RIMS2: variants seen among roughly 807,000 people sequenced by gnomAD.
RIMS2 encodes regulating synaptic membrane exocytosis 2.
A neutral mutation model predicts 174.4 loss-of-function variants in RIMS2; 59 were observed. The observed-to-expected ratio is 0.34, with a 90% CI of 0.27 to 0.42. The LOEUF is 0.42. Ranked by LOEUF, RIMS2 falls within the 10% of genes least tolerant of loss-of-function variation. RIMS2 has a pLI of 1.00. For missense variants in RIMS2, 1,620 were observed against 1,666.3 expected, an observed-to-expected ratio of 0.97 and a Z score of 0.48; for synonymous variants, 606 against 572.5, an observed-to-expected ratio of 1.06 and a Z score of -0.84.
intron 1 of RIMS2, among the ~76,000 whole-genome samples, chr8:103,563,782 A>G (rs550613148): frequency 6.6e-6 from 1 of 152,330 alleles, no homozygotes; most frequent in South Asian, 2.1e-4. Flanking sequence ...ATGGACTTAC[A>G]GTTCCACGTG....
intron 1 of RIMS2, among the ~76,000 whole-genome samples, chr8:103,627,318 T>C (rs928424028): frequency 1.3e-5 from 2 of 152,228 alleles, no homozygotes; most frequent in South Asian, 4.1e-4. Context: ...CCTTGTTCCC[T>C]GAAAATCACT....
chr8:103,875,348 T>C (rs1204083302), intron 3 of RIMS2, among the ~76,000 whole-genome samples: 1 of 151,996 alleles, frequency 6.6e-6, no homozygotes, highest in Non-Finnish European at 1.5e-5. Context: ...CACTTATGAG[T>C]AAGAACATAC....
At chr8:103,737,169 T>C in intron 2 of RIMS2, among the ~76,000 whole-genome samples, 1 of 141,216 alleles carries the variant, frequency 7.1e-6, no homozygotes, top group Non-Finnish European at 1.5e-5. Flanking sequence ...TTTCTTTTTC[T>C]TTGTTCTTTT....
exon 12 of RIMS2, chr8:103,931,385 A>G: frequency 6.3e-7 from 1 of 1,591,974 alleles, no homozygotes; most frequent in Non-Finnish European, 8.5e-7. Flanking sequence ...ACTTTCTTCC[A>G]GACAGAAGGT....
intron 19 of RIMS2, among the ~76,000 whole-genome samples, chr8:104,161,339 C>T (rs1172323206): frequency 6.6e-6 from 1 of 151,970 alleles, no homozygotes; most frequent in Non-Finnish European, 1.5e-5. Flanking sequence ...AAATATTAGA[C>T]TCAGAAATAT....
chr8:103,786,892 A>T (rs200543531), intron 3 of RIMS2, among the ~76,000 whole-genome samples: 1 of 151,612 alleles, frequency 6.6e-6, no homozygotes, highest in Non-Finnish European at 1.5e-5. Context: ...CCCATTATTA[A>T]TGTGTGGGAG....
intron 2 of RIMS2, among the ~76,000 whole-genome samples, chr8:103,757,703 G>A (rs2098043148): frequency 6.6e-6 from 1 of 152,134 alleles, no homozygotes; most frequent in Admixed American, 6.5e-5. Flanking sequence ...CTTGAGATAG[G>A]GAGATTATGC....
intron 1 of RIMS2, among the ~76,000 whole-genome samples, chr8:103,522,632 A>G (rs1030064846): frequency 3.3e-5 from 5 of 152,118 alleles, no homozygotes; most frequent in Non-Finnish European, 5.9e-5. Flanking sequence ...TCCTTTGGGT[A>G]TCTGATGGTT....
chr8:103,538,404 A>G (rs1391342976), intron 1 of RIMS2, among the ~76,000 whole-genome samples: 6 of 151,754 alleles, frequency 4.0e-5, no homozygotes. Flanking sequence ...TTTCCTGGAG[A>G]TTTGTGAGAA....
chr8:103,532,669 C>A (rs987648139), intron 1 of RIMS2, among the ~76,000 whole-genome samples: 3 of 152,202 alleles, frequency 2.0e-5, no homozygotes, highest in Non-Finnish European at 4.4e-5. Flanking sequence ...CTATATGTGG[C>A]ACACTTGTGA....
At chr8:104,249,444 A>G in intron 21 of RIMS2, 43 bp from the exon 28 acceptor site, 1 of 1,033,148 alleles carries the variant, frequency 9.7e-7, no homozygotes, top group Non-Finnish European at 1.5e-6. Context: ...TCCTTAGTGC[A>G]TTTGTATATT....
At chr8:103,808,155 CA>C (rs1345702843) in intron 3 of RIMS2, among the ~76,000 whole-genome samples, 1 of 152,108 alleles carries the variant, frequency 6.6e-6, no homozygotes, top group Admixed American at 6.6e-5. Context: ...CACAGGAAAA[CA>C]AGCAGCAATT....
chr8:104,173,754 G>A (rs963987568), intron 19 of RIMS2, among the ~76,000 whole-genome samples: 68 of 145,424 alleles, frequency 4.7e-4, no homozygotes, highest in African/African-American at 1.5e-3. Flanking sequence ...TCAGCCTCCC[G>A]AGTAGCTGGG....
chr8:103,577,787 G>C (rs912739175), intron 1 of RIMS2, among the ~76,000 whole-genome samples: 3 of 152,232 alleles, frequency 2.0e-5, no homozygotes, highest in African/African-American at 7.2e-5. Flanking sequence ...CAGAAACCTT[G>C]GACCTGAGAA....
chr8:103,913,138 A>ATTT (rs535649216), intron 6 of RIMS2, among the ~76,000 whole-genome samples: 4 of 131,372 alleles, frequency 3.0e-5, no homozygotes, highest in African/African-American at 1.2e-4. Flanking sequence ...ATACCCAGCT[A>ATTT]TTTTTTTTTT....
At chr8:104,095,037 G>T (rs1290371560) in intron 19 of RIMS2, among the ~76,000 whole-genome samples, 2 of 151,974 alleles carry the variant, frequency 1.3e-5, no homozygotes, top group Admixed American at 6.6e-5. Flanking sequence ...TTCTTTATCT[G>T]TAAGGTCTAA....
At chr8:103,574,950 A>C (rs2093104761) in intron 1 of RIMS2, among the ~76,000 whole-genome samples, 1 of 152,328 alleles carries the variant, frequency 6.6e-6, no homozygotes, top group South Asian at 2.1e-4. Flanking sequence ...TAGCAATCAC[A>C]ATATCAGCAT....
At chr8:103,991,771 A>G (rs1452899938) in intron 17 of RIMS2, among the ~76,000 whole-genome samples, 1 of 152,094 alleles carries the variant, frequency 6.6e-6, no homozygotes, top group Admixed American at 6.5e-5. Context: ...TTTGAAACCA[A>G]ATGGCCTTGA....
At chr8:104,136,407 C>CA (rs2098520135) in intron 19 of RIMS2, among the ~76,000 whole-genome samples, 1 of 152,076 alleles carries the variant, frequency 6.6e-6, no homozygotes, top group African/African-American at 2.4e-5. Context: ...TATTTACCAA[C>CA]AAAAATGAAG....
Sources: allele counts gnomAD v4.1 joint callset (sites outside exome capture counted in the v4.1 genomes callset), GRCh38; gene constraint gnomAD v4.1.1; transcripts MANE v1.5; gene names NCBI Gene and HGNC (gene_info 2026-07-23, HGNC 2026-07-21).